The following PRR5L variants were observed in gnomAD, a reference collection of about 807,000 sequenced individuals.
PRR5L encodes the protein proline rich 5 like.
A neutral mutation model predicts 36.4 loss-of-function variants in PRR5L; 21 were observed. The observed-to-expected ratio is 0.58, with a 90% CI of 0.41 to 0.83. The LOEUF (loss-of-function observed/expected upper bound fraction) is 0.83, where lower values mean the gene tolerates loss of function less well. Ranked by LOEUF, PRR5L falls within the 40% of genes least tolerant of loss-of-function variation. The pLI, the probability that PRR5L is intolerant of heterozygous loss-of-function variation, is 0.00. For synonymous variants in PRR5L, 188 were observed against 197.0 expected, an observed-to-expected ratio of 0.95 and a Z score of 0.38; for missense variants, 381 against 473.3, an observed-to-expected ratio of 0.80 and a Z score of 1.81.
intron 1 of PRR5L, chr11:36,362,019 G>C (rs1399261386): frequency 6.6e-6 from 1 of 150,950 alleles, no homozygotes; most frequent in Admixed American, 6.6e-5. Context: ...GTTCAAAGTC[G>C]GGGGGTGCTG....
At chr11:36,410,224 T>C (rs139678493) in intron 3 of PRR5L, among the ~76,000 whole-genome samples, 179 of 152,294 alleles carry the variant, frequency 1.2e-3, no homozygotes, top group African/African-American at 4.2e-3. Context: ...CTAAAAGTTG[T>C]TTAGAAATCT....
intron 8 of PRR5L, among the ~76,000 whole-genome samples, chr11:36,459,983 T>C (rs1379329227): frequency 6.6e-6 from 1 of 152,212 alleles, no homozygotes; most frequent in Non-Finnish European, 1.5e-5. Context: ...TAAAGACGTA[T>C]CAATAAAAAG....
At chr11:36,401,726 C>T (rs1756698930) in intron 2 of PRR5L, among the ~76,000 whole-genome samples, 1 of 152,198 alleles carries the variant, frequency 6.6e-6, no homozygotes, top group African/African-American at 2.4e-5. Context: ...AGCTACTGCA[C>T]CTGGCCAAGA....
intron 7 of PRR5L, among the ~76,000 whole-genome samples, chr11:36,447,333 C>T (rs1858851020): frequency 1.3e-5 from 2 of 152,210 alleles, no homozygotes; most frequent in Admixed American, 1.3e-4. Flanking sequence ...CACTGTGCTT[C>T]CTCCCCAGAG....
At chr11:36,320,487 TCTTG>T (rs1262385710) in intron 1 of PRR5L, among the ~76,000 whole-genome samples, 2 of 152,010 alleles carry the variant, frequency 1.3e-5, no homozygotes, top group Non-Finnish European at 2.9e-5. Context: ...GTATTCATCA[TCTTG>T]CCTGTTAATC....
intron 1 of PRR5L, among the ~76,000 whole-genome samples, chr11:36,347,244 C>T (rs944626026): frequency 3.3e-5 from 5 of 152,034 alleles, no homozygotes; most frequent in African/African-American, 7.3e-5. Context: ...TTCTTTTTCA[C>T]GTTCCTAAAA....
rs1465681668 is a variant in PRR5L, at chr11:36,296,294, C to T, written c.-270C>T. On this transcript the variant is annotated 5_prime_UTR_variant, in exon 1 of 9. Transcript: ENST00000530639. ...TTCTGCCTGCTTCTCTGTCAGTCTT[C>T]AGGCCCCAGGTCAGTGAGTGGCAAG... 1.3e-5 allele frequency: 2 copies of T among 152,222 alleles called. No homozygotes were observed. The highest frequency in any genetic ancestry group is 1.3e-4 in the Admixed American group (2 of 15,274). 9.4% of individuals were successfully genotyped at this position (152,222 alleles called of 1,614,324 possible). A position where few individuals can be genotyped will look rare whatever the true frequency, so the allele number is the denominator to read the frequency against.
rs1025516155 is a variant in PRR5L, at chr11:36,457,127, C to A, written c.713-5215C>A. Among the ~76,000 whole-genome samples the A allele has an allele frequency of 2.6e-5, 4 of 152,240 alleles. No homozygotes were observed. In the East Asian group the frequency reaches 7.7e-4, roughly 29 times the overall value. On this transcript the variant is annotated intron_variant, in intron 8 of 8. Transcript: ENST00000530639. ...CTGCGGAAATCATCTGACGAATTCT[C>A]ATTTCCTACAAAGATGCTGCATGTG...
chr11:36,303,725 G>A lies in PRR5L; in HGVS notation c.-126+7287G>A, dbSNP rs137962984. ...TGTCTGTGTTTCACAAGAAGCCCTT[G>A]ATCCTTGGGCCTCTTCAGAGGGCTT... On this transcript the variant is annotated intron_variant, in intron 1 of 8. Transcript: ENST00000530639. Among the ~76,000 whole-genome samples the A allele has an allele frequency of 2.2e-3, 338 of 152,286 alleles. 2 individuals carry two copies. Among genetic ancestry groups the A allele is most frequent in the African/African-American group, 7.6e-3 (314 of 41,560 alleles).
At chr11:36,328,519 A>G (rs2133469941) in intron 1 of PRR5L, among the ~76,000 whole-genome samples, 1 of 152,284 alleles carries the variant, frequency 6.6e-6, no homozygotes, top group Non-Finnish European at 1.5e-5. Context: ...GTTTTCCACC[A>G]TGATTGAAAG....
intron 7 of PRR5L, among the ~76,000 whole-genome samples, chr11:36,449,073 G>T (rs1476244852): frequency 6.6e-6 from 1 of 152,176 alleles, no homozygotes; most frequent in East Asian, 1.9e-4. Context: ...GGCTTCCTGG[G>T]AATGTTGCCT....
intron 5 of PRR5L, among the ~76,000 whole-genome samples, chr11:36,434,982 C>T (rs1306626655): frequency 1.3e-4 from 20 of 152,078 alleles, no homozygotes; most frequent in Admixed American, 1.2e-3. Flanking sequence ...TAAGTAGGCA[C>T]CAGTGCTGAC....
intron 1 of PRR5L, among the ~76,000 whole-genome samples, chr11:36,347,584 G>C: frequency 6.6e-6 from 1 of 151,976 alleles, no homozygotes; most frequent in South Asian, 2.1e-4. Flanking sequence ...TGGAAGTGCT[G>C]TCAAGAGGAG....
rs537235100 is a variant in PRR5L, at chr11:36,418,180, A to G, written c.246-1075A>G. ...CATTCACCTTTGAACTCCTTGTGCT[A>G]GAACAACGTGTAACACATAAAGAGC... On this transcript the variant is annotated intron_variant, in intron 3 of 8. Coordinates refer to ENST00000530639, the MANE Select transcript of PRR5L (RefSeq NM_001160167.2). Among the ~76,000 whole-genome samples the G allele has an allele frequency of 1.6e-4, 25 of 152,354 alleles. 1 individual carries two copies. The South Asian group carries it at 5.2e-3, about 32-fold the overall frequency.
At chr11:36,323,283 T>C (rs892242794) in intron 1 of PRR5L, 3 of 152,216 alleles carry the variant, frequency 2.0e-5, no homozygotes, top group Non-Finnish European at 4.4e-5. Flanking sequence ...TCTCGTATCA[T>C]TGAGTCCCTG....
rs36056659 is a variant in PRR5L at position 36,388,698 on chromosome 11, CT to C, written c.-125-12281del. The stretch of plus-strand genomic sequence containing the variant: ...TTCATTCAAGGTCGGCTCTTTCTTT[CT>C]TTTTTTTTTTTTTTTTTGAGACGGA... On this transcript the variant is annotated intron_variant, in intron 1 of 8. Transcript: ENST00000530639. Among the ~76,000 whole-genome samples the C allele has an allele frequency of 9.6e-4, 105 of 109,138 alleles. 1 individual carries two copies. Among genetic ancestry groups the C allele is most frequent in the African/African-American group, 3.7e-3 (93 of 25,000 alleles). 71.6% of individuals were successfully genotyped at this position (109,138 alleles called of 152,430 possible).
At chr11:36,376,243 T>C in intron 1 of PRR5L, 1 of 1,213,794 alleles carries the variant, frequency 8.2e-7, no homozygotes, top group Middle Eastern at 2.8e-4. Flanking sequence ...GTGAAGTGAG[T>C]TGGGGGACAT....
intron 6 of PRR5L, among the ~76,000 whole-genome samples, chr11:36,440,783 G>A (rs1858705785): frequency 6.6e-6 from 1 of 152,194 alleles, no homozygotes; most frequent in South Asian, 2.1e-4. Flanking sequence ...CCCAGGTGAG[G>A]CCACAGCAAG....
intron 4 of PRR5L, among the ~76,000 whole-genome samples, chr11:36,420,090 G>T (rs1437135041): frequency 6.6e-6 from 1 of 152,184 alleles, no homozygotes; most frequent in African/African-American, 2.4e-5. Context: ...CTAACCAAAG[G>T]CATATGGTGG....
Sources: allele counts gnomAD v4.1 joint callset (sites outside exome capture counted in the v4.1 genomes callset), GRCh38; gene constraint gnomAD v4.1.1; transcripts MANE v1.5; gene names NCBI Gene and HGNC (gene_info 2026-07-23, HGNC 2026-07-21).